DNAH7: variants seen among roughly 807,000 people sequenced by gnomAD.
DNAH7 encodes the protein axonemal beta dynein heavy chain 7.
DNAH7 carries 397 observed loss-of-function variants against 444.6 expected under a neutral mutation model. The ratio of observed to expected loss-of-function variants is 0.89; its 90% CI spans 0.82 to 0.97. DNAH7 has a LOEUF of 0.97. DNAH7 is among the 50% of genes least tolerant of loss of function. The probability of loss-of-function intolerance (pLI) is 0.00; values close to 1 mark genes in which losing one functional copy is unlikely to be tolerated. For synonymous variants in DNAH7, 1,636 were observed against 1,624.4 expected (o/e 1.01, Z -0.17); for missense variants, 4,902 against 4,800.8 (o/e 1.02, Z -0.62).
intron 61 of DNAH7, among the ~76,000 whole-genome samples, chr2:195,757,824 C>T (rs943836844): frequency 6.6e-6 from 1 of 152,166 alleles, no homozygotes; most frequent in Non-Finnish European, 1.5e-5. Flanking sequence ...GAAAGTGGGG[C>T]GAGGAGGGCA....
chr2:196,058,849 T>C (rs540101063), intron 1 of DNAH7, among the ~76,000 whole-genome samples: 3 of 152,198 alleles, frequency 2.0e-5, no homozygotes, highest in Admixed American at 2.0e-4. Flanking sequence ...AAAATTAACA[T>C]GGAAATGTAT....
At chr2:195,832,880 CA>C (rs1234076015) in intron 48 of DNAH7, among the ~76,000 whole-genome samples, 1 of 152,078 alleles carries the variant, frequency 6.6e-6, no homozygotes, top group East Asian at 1.9e-4. Context: ...AAATGTTCAA[CA>C]AAAAACATAA....
At position 196,068,797 on chromosome 2, in the gene DNAH7, G is replaced by A. The variant is rs957850735; in HGVS notation, c.-86C>T. 5 of 1,512,664 alleles carry A rather than the reference G, an allele frequency of 3.3e-6. No individual in the cohort carries two copies. The highest frequency in any genetic ancestry group is 4.1e-5 in the Admixed American group (2 of 49,218). 93.7% of individuals were successfully genotyped at this position (1,512,664 alleles called of 1,614,324 possible). On this transcript the variant is annotated 5_prime_UTR_variant, in exon 1 of 65. Coordinates refer to ENST00000312428, the MANE Select transcript of DNAH7 (RefSeq NM_018897.3). ...TAGGACGATAGAGGCAGGGCCCCGG[G>A]ACTTGCAGCGGTCTCAGCTCCCTCC...
chr2:195,833,713 A>G (rs1270761687), intron 48 of DNAH7, among the ~76,000 whole-genome samples: 1 of 152,174 alleles, frequency 6.6e-6, no homozygotes, highest in African/African-American at 2.4e-5. Flanking sequence ...GGCAGATAAT[A>G]ACCAGGCACA....
chr2:195,861,864 C>T lies in DNAH7; in HGVS notation c.7589G>A (p.Cys2530Tyr). 1.2e-6 allele frequency: 2 copies of T among 1,613,956 alleles called. No homozygotes were observed. The highest frequency in any genetic ancestry group is 1.7e-6 in the Non-Finnish European group (2 of 1,179,866). ...IEMSEEIRDG[C>Y]IDMCKSFHTS... ...GTGGAAGCTTTTACACATGTCGATACAGCCATCTCGTATTTCCTCTGACAT... is the reference window on the plus strand; with the variant it reads ...GTGGAAGCTTTTACACATGTCGATATAGCCATCTCGTATTTCCTCTGACAT... The change falls in exon 42 of 65, where the codon TGT becomes TAT. Residue 2530 changes from cysteine to tyrosine, a missense_variant. Coordinates refer to ENST00000312428, the MANE Select transcript of DNAH7 (RefSeq NM_018897.3).
chr2:195,812,799 G>A (rs1164721652), intron 51 of DNAH7, among the ~76,000 whole-genome samples: 1 of 152,154 alleles, frequency 6.6e-6, no homozygotes, highest in Non-Finnish European at 1.5e-5. Context: ...TAGAACTATC[G>A]TCCAATAACT....
At chr2:196,059,981 C>T (rs144848091) in intron 1 of DNAH7, among the ~76,000 whole-genome samples, 4 of 151,980 alleles carry the variant, frequency 2.6e-5, no homozygotes, top group Non-Finnish European at 4.4e-5. Context: ...TTTGGGAGGC[C>T]GAGGTGGGCG....
chr2:196,064,914 A>G (rs906943698), intron 1 of DNAH7, among the ~76,000 whole-genome samples: 2 of 152,180 alleles, frequency 1.3e-5, no homozygotes, highest in Non-Finnish European at 2.9e-5. Context: ...TTTAGTATAA[A>G]CACACACAGT....
rs1697234792 is a variant in DNAH7, at chr2:195,816,696, C to G, written c.9693G>C (p.Leu3231=). The stretch of plus-strand genomic sequence containing the variant: ...GGATGAAAAGGTTAATAAACCAGGT[C>G]AGTGAATACTGGTACATGGGCTCAA... ...ANIEPMYQYS[L]TWFINLFILS... The change falls in exon 51 of 65, where the codon CTG becomes CTC. Residue 3231 remains leucine (L), a synonymous_variant. Transcript: ENST00000312428. The G allele has an allele frequency of 6.2e-7, 1 of 1,614,044 alleles. No individual in the cohort carries two copies. The highest frequency in any genetic ancestry group is 1.3e-5 in the African/African-American group (1 of 75,018).
At chr2:195,812,541 CT>C (rs1317264681) in intron 51 of DNAH7, among the ~76,000 whole-genome samples, 1 of 151,672 alleles carries the variant, frequency 6.6e-6, no homozygotes, top group Non-Finnish European at 1.5e-5. Flanking sequence ...TACATAAATT[CT>C]AATGCATTAA....
At chr2:195,951,767 T>C (rs1690275541) in intron 19 of DNAH7, among the ~76,000 whole-genome samples, 1 of 152,124 alleles carries the variant, frequency 6.6e-6, no homozygotes, top group Admixed American at 6.5e-5. Flanking sequence ...CTTTTTTTTT[T>C]CTTTCCATTT....
chr2:195,773,482 A>G (rs1252639015), intron 60 of DNAH7, among the ~76,000 whole-genome samples: 1 of 152,040 alleles, frequency 6.6e-6, no homozygotes, highest in African/African-American at 2.4e-5. Flanking sequence ...AAAAAATTTA[A>G]TAACGCAAAC....
intron 46 of DNAH7, among the ~76,000 whole-genome samples, chr2:195,851,263 T>G (rs1699344163): frequency 6.6e-6 from 1 of 152,186 alleles, no homozygotes. Context: ...GGACTCAGAA[T>G]TAATCCACAG....
At chr2:195,938,329 G>A (rs931395988) in intron 19 of DNAH7, among the ~76,000 whole-genome samples, 1 of 145,262 alleles carries the variant, frequency 6.9e-6, no homozygotes, top group Non-Finnish European at 1.5e-5. Context: ...CTTGTTTTAT[G>A]TTTCAAATAG....
At chr2:195,781,908 C>G (rs1198773566) in intron 58 of DNAH7, among the ~76,000 whole-genome samples, 10 of 148,772 alleles carry the variant, frequency 6.7e-5, no homozygotes, top group Non-Finnish European at 1.5e-4. Flanking sequence ...CACATATGCC[C>G]CAGGATGTGA....
intron 57 of DNAH7, among the ~76,000 whole-genome samples, chr2:195,793,676 CTTTGATGTGCACTT>C: frequency 6.6e-6 from 1 of 152,234 alleles, no homozygotes; most frequent in East Asian, 1.9e-4. Context: ...TAATGTTTTC[CTTTGATGTGCACTT>C]AAAACAAATT....
At chr2:195,916,127 C>G (rs565256951) in intron 24 of DNAH7, among the ~76,000 whole-genome samples, 1 of 151,888 alleles carries the variant, frequency 6.6e-6, no homozygotes, top group Non-Finnish European at 1.5e-5. Flanking sequence ...AATCTAGACA[C>G]AAAATTAATT....
At chr2:195,835,918 G>C (rs1698348498) in intron 47 of DNAH7, among the ~76,000 whole-genome samples, 3 of 152,272 alleles carry the variant, frequency 2.0e-5, no homozygotes, top group African/African-American at 7.2e-5. Flanking sequence ...CCTCCAATGT[G>C]AGCATTATCC....
Position 196,019,262 on chromosome 2 carries a change from A to G in DNAH7, c.777T>C (p.Ser259=). ...MEILPKPWRK[S]FLAASSYIRD... Reference sequence around the variant, plus strand: ...TAATATAACTGCTTGCAGCTAAAAAAGATTTCCTCCAAGGTTTTGGCAGAA... The same window carrying G: ...TAATATAACTGCTTGCAGCTAAAAAGGATTTCCTCCAAGGTTTTGGCAGAA... Residue 259 remains serine, a synonymous_variant, in exon 9 of 65, where the codon TCT becomes TCC. Transcript: ENST00000312428. 6.6e-7 allele frequency: 1 copy of G among 1,508,862 alleles called. No individual in the cohort carries two copies. The highest frequency in any genetic ancestry group is 9.0e-7 in the Non-Finnish European group (1 of 1,113,994). The allele number at this position is 1,508,862 out of a possible 1,614,324, so 93.5% of individuals were successfully genotyped here. A position where few individuals can be genotyped will look rare whatever the true frequency, so the allele number is the denominator to read the frequency against.
Sources: allele counts gnomAD v4.1 joint callset (sites outside exome capture counted in the v4.1 genomes callset), GRCh38; gene constraint gnomAD v4.1.1; transcripts MANE v1.5; gene names NCBI Gene and HGNC (gene_info 2026-07-23, HGNC 2026-07-21).